Variants in MLLT3 observed in about 807,000 individuals in gnomAD.
MLLT3 encodes protein AF-9.
Under a neutral mutation model 53.2 loss-of-function variants are expected in MLLT3, and 4 were observed. That is an observed-to-expected ratio of 0.08 (90% CI 0.04 to 0.17). The LOEUF (loss-of-function observed/expected upper bound fraction) is 0.17. Among genes scored for constraint, MLLT3 ranks in the 10% least tolerant of loss-of-function variants. The probability of loss-of-function intolerance (pLI) is 1.00; values close to 1 mark genes in which losing one functional copy is unlikely to be tolerated. For missense variants in MLLT3, 569 were observed against 684.0 expected (o/e 0.83, Z 1.87); for synonymous variants, 283 against 230.6 (o/e 1.23, Z -2.06).
chr9:20,383,738 G>T (rs1455413679), intron 5 of MLLT3, among the ~76,000 whole-genome samples: 1 of 151,880 alleles, frequency 6.6e-6, no homozygotes, highest in Non-Finnish European at 1.5e-5. Context: ...AAAAACACTT[G>T]ACACTTCAAG....
At chr9:20,504,554 T>C (rs549733815) in intron 2 of MLLT3, among the ~76,000 whole-genome samples, 5 of 152,206 alleles carry the variant, frequency 3.3e-5, no homozygotes, top group East Asian at 3.9e-4. Flanking sequence ...GCTGAACTCA[T>C]TGAATCAAAG....
Position 20,388,658 on chromosome 9 carries a change from A to G in MLLT3, c.1126-22914T>C, listed in dbSNP as rs1822104106. The stretch of plus-strand genomic sequence containing the variant: ...ATAATAAGGTAATTGTCAAAAACAA[A>G]GAATAAACAGGAAGAAAGGAAAAAA... On this transcript the variant is annotated intron_variant, in intron 5 of 10. Transcript: ENST00000380338. Among the ~76,000 whole-genome samples, 9 of 152,300 alleles carry G rather than the reference A, an allele frequency of 5.9e-5. 2 individuals carry two copies. In the South Asian group the frequency reaches 8.3e-4, roughly 14 times the overall value.
intron 5 of MLLT3, among the ~76,000 whole-genome samples, chr9:20,394,947 C>G (rs1822282498): frequency 6.6e-6 from 1 of 152,020 alleles, no homozygotes; most frequent in Non-Finnish European, 1.5e-5. Flanking sequence ...AGGTTTCCGT[C>G]CAAGGTGACC....
intron 2 of MLLT3, among the ~76,000 whole-genome samples, chr9:20,607,113 TA>T (rs1820590636): frequency 6.6e-6 from 1 of 152,096 alleles, no homozygotes; most frequent in East Asian, 1.9e-4. Flanking sequence ...ATTTTATGAG[TA>T]TTTTTATTTA....
chr9:20,594,043 C>T (rs1029509534), intron 2 of MLLT3, among the ~76,000 whole-genome samples: 30 of 150,944 alleles, frequency 2.0e-4, no homozygotes, highest in African/African-American at 6.3e-4. Context: ...TGGGTTCAGG[C>T]GATTCTCCTG....
At chr9:20,365,825 A>C (rs1821436885) in intron 5 of MLLT3, 81 bp from the exon 6 acceptor site, 2 of 1,419,048 alleles carry the variant, frequency 1.4e-6, no homozygotes, top group Non-Finnish European at 2.0e-6. Flanking sequence ...ATTGTTGCTC[A>C]AACCATCCTC....
intron 2 of MLLT3, among the ~76,000 whole-genome samples, chr9:20,573,920 G>C (rs1041990407): frequency 6.6e-6 from 1 of 152,164 alleles, no homozygotes; most frequent in African/African-American, 2.4e-5. Flanking sequence ...ATAAAATTCT[G>C]TTGCATTTTT....
intron 2 of MLLT3, among the ~76,000 whole-genome samples, chr9:20,465,240 A>G (rs1824207087): frequency 6.6e-6 from 1 of 152,144 alleles, no homozygotes; most frequent in African/African-American, 2.4e-5. Context: ...AAAGGGGAAA[A>G]GTACAAAAAG....
chr9:20,414,314 T>C lies in MLLT3; in HGVS notation c.532A>G (p.Ser178Gly). 6.8e-7 allele frequency: 1 copy of C among 1,476,240 alleles called. No individual in the cohort carries two copies. 91.4% of individuals were successfully genotyped at this position (1,476,240 alleles called of 1,614,324 possible). A position where few individuals can be genotyped will look rare whatever the true frequency, so the allele number is the denominator to read the frequency against. ...SSSSSSSSSSSSSSSSSSSSS... is the reference protein window; with the variant it reads ...SSSSSSSSSSGSSSSSSSSSS... ...CTGCTGCTGCTACTGCTGCTGCTAC[T>C]GCTGCTGCTGCTGCTGCTGCTGCTG... Residue 178 changes from serine to glycine, a missense_variant, in exon 5 of 11, where the codon AGT becomes GGT. Ser to Gly is a moderately conservative substitution (Grantham distance 56). This residue lies in a region of MLLT3 where 437 missense variants were observed against 376.5 expected (regional missense o/e 1.16). Transcript: ENST00000380338.
intron 2 of MLLT3, among the ~76,000 whole-genome samples, chr9:20,538,374 C>G (rs145836381): frequency 2.0e-5 from 3 of 152,272 alleles, no homozygotes; most frequent in South Asian, 2.1e-4. Context: ...GTAAGTAACA[C>G]AGCTGAAATT....
chr9:20,457,374 G>A (rs753801769), intron 2 of MLLT3, among the ~76,000 whole-genome samples: 5 of 147,962 alleles, frequency 3.4e-5, no homozygotes, highest in Admixed American at 6.9e-5. Context: ...TCAGCCTCCC[G>A]AGTTAGCTGG....
At chr9:20,481,670 G>T (rs977047369) in intron 2 of MLLT3, among the ~76,000 whole-genome samples, 5 of 151,972 alleles carry the variant, frequency 3.3e-5, no homozygotes, top group Non-Finnish European at 7.4e-5. Flanking sequence ...GCTCCGTTCC[G>T]CCTACCATGC....
chr9:20,454,309 C>T (rs908285568), intron 3 of MLLT3, among the ~76,000 whole-genome samples: 1 of 152,048 alleles, frequency 6.6e-6, no homozygotes, highest in African/African-American at 2.4e-5. Flanking sequence ...TACTTGCTGC[C>T]TCTTCATCCT....
At position 20,343,346 on chromosome 9, in the gene MLLT3, T is replaced by C. The variant is rs1241820228; in HGVS notation, c.*3097A>G. The C allele has an allele frequency of 3.3e-5, 7 of 210,462 alleles. No homozygotes were observed. The highest frequency in any genetic ancestry group is 6.8e-5 in the African/African-American group (3 of 43,924). The allele number at this position is 210,462 out of a possible 1,614,324, so 13.0% of individuals were successfully genotyped here. On this transcript the variant is annotated 3_prime_UTR_variant, in exon 11 of 11. Coordinates refer to ENST00000380338, the MANE Select transcript of MLLT3 (RefSeq NM_004529.4). ...TTTAAGACACTCTCTTAAGAGATATTTTTTTCCTGATCTGAAGTTTTTATA... is the reference window on the plus strand; with the variant it reads ...TTTAAGACACTCTCTTAAGAGATATCTTTTTCCTGATCTGAAGTTTTTATA...
At chr9:20,464,944 C>T (rs921530902) in intron 2 of MLLT3, among the ~76,000 whole-genome samples, 3 of 151,966 alleles carry the variant, frequency 2.0e-5, no homozygotes, top group African/African-American at 7.2e-5. Context: ...CTTAAATTCT[C>T]CTAAAGCTAT....
chr9:20,518,642 G>C (rs953276342), intron 2 of MLLT3, among the ~76,000 whole-genome samples: 1 of 152,144 alleles, frequency 6.6e-6, no homozygotes, highest in Non-Finnish European at 1.5e-5. Context: ...AGTGAACAAG[G>C]TTAACACCAG....
At chr9:20,405,835 G>A (rs181348430) in intron 5 of MLLT3, among the ~76,000 whole-genome samples, 23 of 152,222 alleles carry the variant, frequency 1.5e-4, no homozygotes, top group Admixed American at 2.0e-4. Context: ...CTTCTGGCCG[G>A]GTGTGGTGGC....
At chr9:20,561,824 T>C (rs529054237) in intron 2 of MLLT3, among the ~76,000 whole-genome samples, 4 of 152,302 alleles carry the variant, frequency 2.6e-5, no homozygotes, top group African/African-American at 9.6e-5. Context: ...AAGAACCCTC[T>C]GTAGGCTTTG....
At chr9:20,462,952 ACAGT>A (rs1283226989) in intron 2 of MLLT3, among the ~76,000 whole-genome samples, 12 of 152,156 alleles carry the variant, frequency 7.9e-5, no homozygotes, top group Non-Finnish European at 1.8e-4. Context: ...ATATAATGAG[ACAGT>A]CGGTATAAGC....
Sources: gnomAD v4.1 joint callset for allele counts (sites outside exome capture counted in the v4.1 genomes callset) on GRCh38, gnomAD v4.1.1 for gene constraint, gnomAD v4.1.1 regional missense constraint, MANE v1.5 for transcripts, NCBI Gene and HGNC (gene_info 2026-07-23, HGNC 2026-07-21) for gene names.